Variants in NRXN3 observed in about 807,000 individuals in gnomAD.
The protein encoded by NRXN3 is neurexin III.
NRXN3 carries 32 observed loss-of-function variants against 137.6 expected under a neutral mutation model. The observed-to-expected ratio is 0.23, with a 90% CI of 0.18 to 0.31. The LOEUF is 0.31. Among genes scored for constraint, NRXN3 ranks in the 10% least tolerant of loss-of-function variants. The pLI is 1.00. For missense variants in NRXN3, 1,574 were observed against 2,062.5 expected (o/e 0.76, Z 4.59); for synonymous variants, 798 against 784.5 (o/e 1.02, Z -0.29).
At chr14:79,265,194 C>A (rs1417029390) in intron 15 of NRXN3, among the ~76,000 whole-genome samples, 3 of 147,986 alleles carry the variant, frequency 2.0e-5, no homozygotes, top group Non-Finnish European at 4.4e-5. Context: ...ATCTCTTCCA[C>A]ATCTGGTAAG....
chr14:79,494,437 A>C (rs1441152657), intron 16 of NRXN3, among the ~76,000 whole-genome samples: 1 of 152,202 alleles, frequency 6.6e-6, no homozygotes, highest in Non-Finnish European at 1.5e-5. Context: ...CAGAAAGCAA[A>C]AGAGGTGAAA....
chr14:78,470,016 G>A (rs746392103), intron 4 of NRXN3, among the ~76,000 whole-genome samples: 4 of 152,238 alleles, frequency 2.6e-5, no homozygotes, highest in Non-Finnish European at 2.9e-5. Context: ...GTCAACAACA[G>A]AATATCTGGG....
chr14:79,768,145 G>C (rs1374030160), intron 19 of NRXN3, among the ~76,000 whole-genome samples: 1 of 152,222 alleles, frequency 6.6e-6, no homozygotes, highest in African/African-American at 2.4e-5. Flanking sequence ...CTCCCTGATT[G>C]CTAGCACAGC....
chr14:79,657,614 G>A (rs2098512558), intron 16 of NRXN3, among the ~76,000 whole-genome samples: 2 of 152,126 alleles, frequency 1.3e-5, no homozygotes, highest in Admixed American at 1.3e-4. Flanking sequence ...TGTTGAAAGA[G>A]TAGAGACTAA....
At position 78,550,222 on chromosome 14, in the gene NRXN3, A is replaced by G. The variant is rs551396129; in HGVS notation, c.758-94898A>G. On this transcript the variant is annotated intron_variant, in intron 4 of 20. Coordinates refer to ENST00000335750, the MANE Select transcript of NRXN3 (RefSeq NM_001330195.2). ...GCTAAATTTTGTAATTTTTGTAGCG[A>G]CAGGGATTCAGCATATTTCCCAGGC... Among the ~76,000 whole-genome samples the G allele has an allele frequency of 1.7e-3, 255 of 152,124 alleles. 1 individual carries two copies. The highest frequency in any genetic ancestry group is 5.9e-3 in the African/African-American group (244 of 41,526).
At chr14:79,099,777 G>T (rs949079158) in intron 15 of NRXN3, among the ~76,000 whole-genome samples, 4 of 152,062 alleles carry the variant, frequency 2.6e-5, no homozygotes, top group East Asian at 1.9e-4. Flanking sequence ...TCAAAATATT[G>T]CCTGTTGGTT....
In NRXN3 at chr14:79,251,726, A is replaced by G. The variant is rs75765818; in HGVS notation, c.3263-215495A>G. On this transcript the variant is annotated intron_variant, in intron 15 of 20. Coordinates refer to ENST00000335750, the MANE Select transcript of NRXN3 (RefSeq NM_001330195.2). ...TTTTAAGTGACGGGTGATAGGAGAA[A>G]AACTAATGGGATATTTGAAAATGAG... Among the ~76,000 whole-genome samples the G allele has an allele frequency of 5.7e-3, 870 of 152,234 alleles. 9 individuals carry two copies. Among genetic ancestry groups the G allele is most frequent in the African/African-American group, 0.02 (849 of 41,546 alleles).
chr14:79,261,642 T>A (rs1340172614), intron 15 of NRXN3, among the ~76,000 whole-genome samples: 10 of 33,962 alleles, frequency 2.9e-4, no homozygotes, highest in South Asian at 1.7e-3. Context: ...TGTGTGTGTG[T>A]GATGGGGTGG....
chr14:78,506,772 T>C lies in NRXN3; in HGVS notation c.758-138348T>C, dbSNP rs1318281118. Reference sequence around the variant, plus strand: ...ACAGCCCTAAATTCCTGGGCTCAAGTGATTCTCTTGCCTCAGTCTCCCAAG... The same window carrying C: ...ACAGCCCTAAATTCCTGGGCTCAAGCGATTCTCTTGCCTCAGTCTCCCAAG... On this transcript the variant is annotated intron_variant, in intron 4 of 20. Coordinates refer to ENST00000335750, the MANE Select transcript of NRXN3 (RefSeq NM_001330195.2). Among the ~76,000 whole-genome samples the C allele has an allele frequency of 2.0e-5, 3 of 151,002 alleles. No homozygotes were observed. The East Asian group carries it at 5.9e-4, about 30-fold the overall frequency.
At chr14:78,547,419 C>T (rs1453715981) in intron 4 of NRXN3, among the ~76,000 whole-genome samples, 1 of 152,028 alleles carries the variant, frequency 6.6e-6, no homozygotes, top group Non-Finnish European at 1.5e-5. Context: ...AGGATGGTCT[C>T]TATCTCCTGA....
intron 10 of NRXN3, among the ~76,000 whole-genome samples, chr14:78,918,175 T>C (rs2099261130): frequency 6.7e-6 from 1 of 149,906 alleles, no homozygotes; most frequent in African/African-American, 2.5e-5. Flanking sequence ...ATCCCAGCTA[T>C]TCAGGAGGCT....
intron 15 of NRXN3, among the ~76,000 whole-genome samples, chr14:79,284,269 G>A (rs998395875): frequency 6.8e-6 from 1 of 146,778 alleles, no homozygotes; most frequent in South Asian, 2.2e-4. Flanking sequence ...AGGCCGAGGT[G>A]GGGGGATCAC....
At chr14:79,530,816 A>T (rs2097163555) in intron 16 of NRXN3, among the ~76,000 whole-genome samples, 1 of 152,164 alleles carries the variant, frequency 6.6e-6, no homozygotes, top group African/African-American at 2.4e-5. Context: ...GGAAAATGGG[A>T]TGAATAGGTA....
intron 15 of NRXN3, among the ~76,000 whole-genome samples, chr14:79,433,945 C>A (rs1020514706): frequency 1.5e-4 from 23 of 152,172 alleles, no homozygotes; most frequent in Non-Finnish European, 2.5e-4. Context: ...TGTCACCTGG[C>A]ATGCTTGAGG....
At chr14:79,720,029 G>A (rs747826772) in intron 19 of NRXN3, among the ~76,000 whole-genome samples, 54 of 151,936 alleles carry the variant, frequency 3.6e-4, no homozygotes, top group Non-Finnish European at 7.2e-4. Context: ...ACATCCCTGG[G>A]GAGTGTATTA....
chr14:79,853,777 A>AT, intron 20 of NRXN3: 2 of 1,022,572 alleles, frequency 2.0e-6, no homozygotes, highest in Non-Finnish European at 2.4e-6. Flanking sequence ...AAGACAAAAA[A>AT]ATATATATAT....
chr14:79,414,915 A>G (rs1474570946), intron 15 of NRXN3, among the ~76,000 whole-genome samples: 2 of 152,070 alleles, frequency 1.3e-5, no homozygotes, highest in East Asian at 1.9e-4. Flanking sequence ...GTTTCTATAC[A>G]TTCAACTTTT....
intron 16 of NRXN3, among the ~76,000 whole-genome samples, chr14:79,582,465 G>A (rs2097725570): frequency 1.3e-5 from 2 of 152,222 alleles, no homozygotes; most frequent in African/African-American, 2.4e-5. Flanking sequence ...TCTGTCACTA[G>A]GCTGGAATGC....
At chr14:79,120,137 C>T (rs1444499489) in intron 15 of NRXN3, among the ~76,000 whole-genome samples, 4 of 151,976 alleles carry the variant, frequency 2.6e-5, no homozygotes, top group African/African-American at 4.8e-5. Flanking sequence ...AAATGGCCAG[C>T]GAGATCTCTT....
Sources: gnomAD v4.1 joint callset for allele counts (sites outside exome capture counted in the v4.1 genomes callset) on GRCh38, gnomAD v4.1.1 for gene constraint, MANE v1.5 for transcripts, NCBI Gene and HGNC (gene_info 2026-07-23, HGNC 2026-07-21) for gene names.